MOXD1: variants seen among roughly 807,000 people sequenced by gnomAD.
The protein encoded by MOXD1 is monooxygenase DBH like 1.
Under a neutral mutation model 66.6 loss-of-function variants are expected in MOXD1, and 62 were observed. The ratio of observed to expected loss-of-function variants is 0.93; its 90% CI spans 0.76 to 1.15. MOXD1 has a LOEUF of 1.15. MOXD1 is among the 50% of genes most tolerant of loss of function. The pLI is 0.00. For synonymous variants in MOXD1, 303 were observed against 281.9 expected (o/e 1.07, Z -0.75); for missense variants, 847 against 754.6 (o/e 1.12, Z -1.44).
chr6:132,398,711 A>G (rs111924870), intron 1 of MOXD1, among the ~76,000 whole-genome samples: 30,547 of 151,940 alleles, frequency 0.2, 3,242 homozygotes, highest in Middle Eastern at 0.27. Flanking sequence ...AGGCCGAGGC[A>G]GGTGGATCAC....
chr6:132,297,621 TGAG>T (rs1223969901), intron 11 of MOXD1, among the ~76,000 whole-genome samples, 163 bp downstream of exon 11: 1 of 152,182 alleles, frequency 6.6e-6, no homozygotes, highest in Non-Finnish European at 1.5e-5. Flanking sequence ...GGGGGTAGAA[TGAG>T]GAGTTTTCAG....
At chr6:132,323,852 G>A (rs1296794163) in intron 7 of MOXD1, 79 bp downstream of exon 7, 2 of 1,387,466 alleles carry the variant, frequency 1.4e-6, no homozygotes, top group Admixed American at 2.7e-5. Flanking sequence ...TAATAAACAT[G>A]TGCGGAATTT....
At chr6:132,386,520 C>G (rs1776649349) in intron 1 of MOXD1, among the ~76,000 whole-genome samples, 2 of 150,592 alleles carry the variant, frequency 1.3e-5, no homozygotes, top group African/African-American at 4.9e-5. Flanking sequence ...CATATCTATC[C>G]AGAGACCAGG....
intron 1 of MOXD1, among the ~76,000 whole-genome samples, chr6:132,399,791 T>C (rs529098379): frequency 1.3e-4 from 20 of 152,340 alleles, no homozygotes; most frequent in South Asian, 1.0e-3. Flanking sequence ...TAAAAAACGT[T>C]AAATAGGTAT....
intron 9 of MOXD1, among the ~76,000 whole-genome samples, chr6:132,318,354 G>A (rs1165903501): frequency 2.0e-5 from 3 of 151,872 alleles, no homozygotes; most frequent in African/African-American, 7.2e-5. Flanking sequence ...TCAGCATAAC[G>A]GAAATGCTAT....
intron 10 of MOXD1, 25 bp downstream of exon 10, chr6:132,315,610 A>G (rs1441764046): frequency 1.3e-6 from 2 of 1,594,408 alleles, no homozygotes. Flanking sequence ...ACGTTACCCC[A>G]TCATAAAATA....
At chr6:132,378,875 C>CCTTTTTT (rs1776449724) in intron 1 of MOXD1, among the ~76,000 whole-genome samples, 1 of 41,884 alleles carries the variant, frequency 2.4e-5, no homozygotes, top group Non-Finnish European at 6.4e-5. Flanking sequence ...AACACTTCCT[C>CCTTTTTT]TTTTTTTTTT....
chr6:132,322,820 GAGA>G lies in MOXD1; in HGVS notation c.1161_1163del (p.Leu388del), dbSNP rs1775105657. ...TGCCTCTGCCAGCCAGGTGAGCATG[GAGA>G]AGAACAGCAAACACATGAATTCCAC... On this transcript the variant is annotated inframe_deletion, in exon 8 of 12. Transcript: ENST00000367963. 3 of 1,614,044 alleles carry G rather than the reference GAGA, an allele frequency of 1.9e-6. No individual in the cohort carries two copies. Among genetic ancestry groups the G allele is most frequent in the Non-Finnish European group, 2.5e-6 (3 of 1,179,960 alleles).
At position 132,372,843 on chromosome 6, in the gene MOXD1, A is replaced by G. The variant is rs1352968023; in HGVS notation, c.566T>C (p.Leu189Pro). The change falls in exon 3 of 12, where the codon CTG (leucine) becomes CCG (proline). Residue 189 changes from leucine to proline, a missense_variant. Coordinates refer to ENST00000367963, the MANE Select transcript of MOXD1 (RefSeq NM_015529.4). ...GAAAACACTTACGTCCTGATTTACCAGATCAAAGTATGGTAAGGCTGTAGA... is the reference window on the plus strand; with the variant it reads ...GAAAACACTTACGTCCTGATTTACCGGATCAAAGTATGGTAAGGCTGTAGA... Reference protein sequence around the residue: ...VLSTALPYFDLVNQDVPIPNK... With the variant: ...VLSTALPYFDPVNQDVPIPNK... 2 of 1,613,922 alleles carry G rather than the reference A, an allele frequency of 1.2e-6. No homozygotes were observed. The highest frequency in any genetic ancestry group is 2.7e-5 in the African/African-American group (2 of 75,052).
At chr6:132,331,953 T>C (rs1775328448) in intron 4 of MOXD1, among the ~76,000 whole-genome samples, 1 of 152,046 alleles carries the variant, frequency 6.6e-6, no homozygotes, top group Admixed American at 6.5e-5. Flanking sequence ...TGCCAGAAGG[T>C]ACTTCTGGAA....
intron 1 of MOXD1, among the ~76,000 whole-genome samples, chr6:132,397,989 C>A (rs1776935054): frequency 6.6e-6 from 1 of 152,112 alleles, no homozygotes; most frequent in Admixed American, 6.5e-5. Flanking sequence ...TTAGTGTATC[C>A]ATAACCCAAA....
intron 11 of MOXD1, 73 bp from the exon 12 acceptor site, chr6:132,297,390 G>T (rs1242022810): frequency 6.7e-7 from 1 of 1,481,712 alleles, no homozygotes; most frequent in Non-Finnish European, 9.3e-7. Context: ...CCGCTCAGCT[G>T]CCCACACTTC....
In MOXD1 at chr6:132,303,807, ATGTGTG is replaced by A. The variant is rs768465608; in HGVS notation, c.1509-5858_1509-5853del. On this transcript the variant is annotated intron_variant, in intron 10 of 11. Transcript: ENST00000367963. ...CACATATATACATATATACACACAC[ATGTGTG>A]TGTGTGTGTGTGTGTGTGTGTGTAT... Among the ~76,000 whole-genome samples the A allele has an allele frequency of 4.6e-4, 22 of 47,916 alleles. 1 individual carries two copies. The highest frequency in any genetic ancestry group is 2.3e-3 in the Admixed American group (11 of 4,814). 31.4% of individuals were successfully genotyped at this position (47,916 alleles called of 152,430 possible).
chr6:132,326,104 T>G (rs1400716611), intron 6 of MOXD1, among the ~76,000 whole-genome samples: 2 of 152,222 alleles, frequency 1.3e-5, no homozygotes, highest in Non-Finnish European at 2.9e-5. Flanking sequence ...TTAGGTTCAT[T>G]AGTTGCATTA....
At chr6:132,304,901 A>T (rs1582558751) in intron 10 of MOXD1, among the ~76,000 whole-genome samples, 1 of 152,216 alleles carries the variant, frequency 6.6e-6, no homozygotes, top group Admixed American at 6.5e-5. Context: ...CACTGGTAAG[A>T]ATGAAAAATA....
chr6:132,371,265 T>C (rs537782479), intron 4 of MOXD1, among the ~76,000 whole-genome samples: 7 of 152,272 alleles, frequency 4.6e-5, no homozygotes, highest in East Asian at 1.9e-4. Flanking sequence ...GTATTAATTA[T>C]ACAAAATTAG....
At chr6:132,301,198 TTATATATA>T (rs34981314) in intron 10 of MOXD1, among the ~76,000 whole-genome samples, 13,344 of 145,786 alleles carry the variant, frequency 0.092, 1,498 homozygotes, top group East Asian at 0.33. Flanking sequence ...ACGAATGGTA[TTATATATA>T]TATATATATA....
chr6:132,320,517 T>G, intron 9 of MOXD1, 112 bp downstream of exon 9: 2 of 921,354 alleles, frequency 2.2e-6, no homozygotes, highest in Non-Finnish European at 3.2e-6. Flanking sequence ...ATACTCAAGA[T>G]TTTTAGAACT....
chr6:132,372,623 C>T lies in MOXD1; in HGVS notation c.648G>A (p.Lys216=), dbSNP rs749080021. Residue 216 remains lysine, a synonymous_variant, in exon 4 of 12, where the codon AAG becomes AAA. Coordinates refer to ENST00000367963, the MANE Select transcript of MOXD1 (RefSeq NM_015529.4). The part of the protein sequence containing the change: ...QMFKIPVFQE[K]HHVIKVEPVI... ...AGTCACATACCTTTATTACATGATG[C>T]TTTTCTTGGAACACAGGAATCTTAA... 8.1e-6 allele frequency: 13 copies of T among 1,613,098 alleles called. No individual in the cohort carries two copies. Among genetic ancestry groups the T allele is most frequent in the Admixed American group, 5.0e-5 (3 of 59,978 alleles).
Sources: allele counts gnomAD v4.1 joint callset (sites outside exome capture counted in the v4.1 genomes callset), GRCh38; gene constraint gnomAD v4.1.1; transcripts MANE v1.5; gene names NCBI Gene and HGNC (gene_info 2026-07-23, HGNC 2026-07-21).